CACNA1C: variants seen among roughly 807,000 people sequenced by gnomAD.
CACNA1C encodes the protein voltage-dependent L-type calcium channel subunit alpha-1C.
CACNA1C carries 30 observed loss-of-function variants against 229.0 expected under a neutral mutation model. The ratio of observed to expected loss-of-function variants is 0.13; its 90% confidence interval spans 0.10 to 0.18. CACNA1C has a LOEUF of 0.18. CACNA1C is among the 10% of genes least tolerant of loss of function. The pLI is 1.00. For missense variants in CACNA1C, 1,658 were observed against 2,845.0 expected (o/e 0.58, Z 9.49); for synonymous variants, 1,114 against 1,132.5 (o/e 0.98, Z 0.33).
intron 3 of CACNA1C, among the ~76,000 whole-genome samples, chr12:2,219,943 T>C (rs1566481695): frequency 1.3e-5 from 2 of 152,172 alleles, no homozygotes; most frequent in Non-Finnish European, 2.9e-5. Flanking sequence ...CTCTATGATG[T>C]TGGTTCAGCT....
chr12:2,497,351 A>G (rs2099748765), intron 7 of CACNA1C, among the ~76,000 whole-genome samples: 2 of 152,216 alleles, frequency 1.3e-5, no homozygotes, highest in Non-Finnish European at 2.9e-5. Context: ...GCCCCTGCTC[A>G]TGGGAAACAG....
chr12:2,448,730 A>G, intron 3 of CACNA1C, among the ~76,000 whole-genome samples: 1 of 150,960 alleles, frequency 6.6e-6, no homozygotes, highest in South Asian at 2.1e-4. Context: ...CACTAGTCTA[A>G]TATTTACATG....
intron 1 of CACNA1C, among the ~76,000 whole-genome samples, chr12:2,076,340 C>T (rs1043355691): frequency 6.6e-6 from 1 of 152,212 alleles, no homozygotes; most frequent in South Asian, 2.1e-4. Flanking sequence ...GGATATTACA[C>T]ATGCGTAATG....
chr12:2,404,160 G>C (rs952624307), intron 3 of CACNA1C, among the ~76,000 whole-genome samples: 3 of 152,194 alleles, frequency 2.0e-5, no homozygotes, highest in Non-Finnish European at 4.4e-5. Context: ...CCACTCCGGG[G>C]CCTGTAGCAA....
At chr12:2,235,113 C>T (rs1206206238) in intron 3 of CACNA1C, among the ~76,000 whole-genome samples, 2 of 152,222 alleles carry the variant, frequency 1.3e-5, no homozygotes, top group African/African-American at 4.8e-5. Context: ...TGTCTCTATA[C>T]GTGGCTCTCT....
intron 3 of CACNA1C, among the ~76,000 whole-genome samples, chr12:2,309,917 G>A (rs118065562): frequency 0.012 from 1,794 of 152,292 alleles, 13 homozygotes; most frequent in Non-Finnish European, 0.019. Context: ...ATGAGTTTCC[G>A]AGGTTTCTTA....
At chr12:2,245,457 G>C (rs543773035) in intron 3 of CACNA1C, among the ~76,000 whole-genome samples, 2 of 152,224 alleles carry the variant, frequency 1.3e-5, no homozygotes, top group East Asian at 3.8e-4. Flanking sequence ...CTTGCCGGGA[G>C]AGTGTCATCC....
At chr12:2,563,638 T>C (rs557004733) in intron 11 of CACNA1C, among the ~76,000 whole-genome samples, 1 of 152,352 alleles carries the variant, frequency 6.6e-6, no homozygotes, top group Admixed American at 6.5e-5. Flanking sequence ...TTTAGCAAAG[T>C]CTTGGTAACA....
rs1347027651 is a variant in CACNA1C, at chr12:2,677,281, C to T, written c.4956+60C>T. ...GGTCCTGGTCATTGCCTCTGACCTC[C>T]AGTCAGGGTCCCGGTCCCTCCCCAG... is the stretch of plus-strand genomic sequence containing the variant. On this transcript the variant is annotated intron_variant, in intron 40 of 46. Coordinates refer to ENST00000399655, the MANE Select transcript of CACNA1C (RefSeq NM_000719.7). The surrounding 1 kb of genome is among the most constrained non-coding windows in gnomAD (Gnocchi z 7.4). 1.9e-6 allele frequency: 3 copies of T among 1,573,996 alleles called. No individual in the cohort carries two copies. The East Asian group carries it at 6.8e-5, about 36-fold the overall frequency.
intron 3 of CACNA1C, among the ~76,000 whole-genome samples, chr12:2,140,362 C>G (rs1409550967): frequency 6.6e-6 from 1 of 151,494 alleles, no homozygotes; most frequent in Non-Finnish European, 1.5e-5. Context: ...CTGTTCTTAA[C>G]ACAGTTCCTG....
At chr12:2,212,011 G>A (rs897842502) in intron 3 of CACNA1C, among the ~76,000 whole-genome samples, 9 of 152,104 alleles carry the variant, frequency 5.9e-5, no homozygotes, top group South Asian at 4.1e-4. Flanking sequence ...ATGAGCCACC[G>A]CGCCCGGCCT....
chr12:2,249,267 G>T (rs1042675691), intron 3 of CACNA1C, among the ~76,000 whole-genome samples: 3 of 152,190 alleles, frequency 2.0e-5, no homozygotes, highest in Admixed American at 6.5e-5. Flanking sequence ...TGCAAAGCAG[G>T]AGTTGGTGAA....
At chr12:2,214,407 C>T (rs1434022265) in intron 3 of CACNA1C, among the ~76,000 whole-genome samples, 4 of 152,086 alleles carry the variant, frequency 2.6e-5, no homozygotes, top group South Asian at 2.1e-4. Context: ...CATATGTGTC[C>T]GGGGCTTATA....
intron 1 of CACNA1C, among the ~76,000 whole-genome samples, chr12:2,064,298 T>A (rs2238011): frequency 0.078 from 11,930 of 152,256 alleles, 783 homozygotes; most frequent in African/African-American, 0.17. Context: ...TGTCTCTCCC[T>A]CTGCCTGTGT....
chr12:2,026,265 C>A (rs773018048), intron 1 of CACNA1C, among the ~76,000 whole-genome samples: 28 of 152,180 alleles, frequency 1.8e-4, no homozygotes, highest in Non-Finnish European at 2.8e-4. Flanking sequence ...GCAAGATGGG[C>A]AAGTACTTAT....
At chr12:2,431,917 C>T (rs1251337701) in intron 3 of CACNA1C, among the ~76,000 whole-genome samples, 1 of 152,160 alleles carries the variant, frequency 6.6e-6, no homozygotes, top group African/African-American at 2.4e-5. Context: ...CCACAAAATT[C>T]ATATTCATCT....
intron 1 of CACNA1C, among the ~76,000 whole-genome samples, chr12:2,019,566 GA>G (rs2046039731): frequency 8.0e-6 from 1 of 125,442 alleles, no homozygotes; most frequent in Non-Finnish European, 1.6e-5. Flanking sequence ...AGGAAGGAAG[GA>G]AAGAAAAGAA....
intron 15 of CACNA1C, among the ~76,000 whole-genome samples, chr12:2,583,570 T>G (rs1468462837): frequency 6.6e-6 from 1 of 152,104 alleles, no homozygotes; most frequent in East Asian, 1.9e-4. Context: ...TAGGAACAGC[T>G]CTGGGCCAAG....
intron 3 of CACNA1C, among the ~76,000 whole-genome samples, chr12:2,232,227 GTTTTT>G (rs1169407536): frequency 2.2e-4 from 16 of 73,560 alleles, no homozygotes; most frequent in Admixed American, 4.9e-4. Context: ...GTCTTTCCTT[GTTTTT>G]TTTTTTTTTT....
Sources: gnomAD v4.1 joint callset for allele counts (sites outside exome capture counted in the v4.1 genomes callset) on GRCh38, gnomAD v4.1.1 for gene constraint, Gnocchi (gnomAD v3.1) non-coding constraint, MANE v1.5 for transcripts, NCBI Gene and HGNC (gene_info 2026-07-23, HGNC 2026-07-21) for gene names.